Variants in PCDHGA3 observed in about 807,000 individuals in gnomAD.
PCDHGA3 encodes the protein protocadherin gamma-A3.
PCDHGA3 carries 40 observed loss-of-function variants against 58.5 expected under a neutral mutation model. The ratio of observed to expected loss-of-function variants is 0.68; its 90% CI spans 0.53 to 0.89. PCDHGA3 has a LOEUF of 0.89. Ranked by LOEUF, PCDHGA3 falls within the 40% of genes least tolerant of loss-of-function variation. PCDHGA3 has a pLI of 0.00. For synonymous variants in PCDHGA3, 530 were observed against 525.7 expected, an observed-to-expected ratio of 1.01 and a Z score of -0.11; for missense variants, 1,223 against 1,195.9, an observed-to-expected ratio of 1.02 and a Z score of -0.33.
intron 1 of PCDHGA3, chr5:141,361,375 G>A (rs267600451): frequency 1.4e-5 from 23 of 1,613,956 alleles, no homozygotes; most frequent in South Asian, 1.3e-4. Context: ...GGACCGGGAG[G>A]AGATCCCAGA....
In PCDHGA3 at chr5:141,428,115, G is replaced by T. The variant is rs753384738; in HGVS notation, c.2425-66692G>T. 5 of 1,607,062 alleles carry T rather than the reference G, an allele frequency of 3.1e-6. No homozygotes were observed. In the South Asian group the frequency reaches 5.5e-5, roughly 18 times the overall value. On this transcript the variant is annotated intron_variant, in intron 1 of 3. Coordinates refer to ENST00000253812, the MANE Select transcript of PCDHGA3 (RefSeq NM_018916.4). ...GTCCTACCACGTGCTGCAGGCCATC[G>T]AGCCCGGGCTTTTCAGCCTGGGGCT...
At chr5:141,354,049 T>A (rs1339397353) in intron 1 of PCDHGA3, among the ~76,000 whole-genome samples, 1 of 152,250 alleles carries the variant, frequency 6.6e-6, no homozygotes, top group Non-Finnish European at 1.5e-5. Flanking sequence ...GCACATGCAA[T>A]GATAATCCAT....
At position 141,487,543 on chromosome 5, in the gene PCDHGA3, A is replaced by G. The variant is rs2099649285; in HGVS notation, c.2425-7264A>G. On this transcript the variant is annotated intron_variant, in intron 1 of 3. Coordinates refer to ENST00000253812, the MANE Select transcript of PCDHGA3 (RefSeq NM_018916.4). This position sits in a 1 kb window ranked among gnomAD's most constrained non-coding sequence, Gnocchi z 5.0. ...GTGATAGCTTCATGATGGTGAAGTC[A>G]CCCAGTGCACCTATGGCAGGGGAGC... is the stretch of plus-strand genomic sequence containing the variant. The G allele has an allele frequency of 3.7e-6, 6 of 1,614,114 alleles. No homozygotes were observed. In the South Asian group the frequency reaches 5.5e-5, roughly 15 times the overall value.
At chr5:141,370,322 C>T (rs1311185888) in intron 1 of PCDHGA3, 8 of 1,366,842 alleles carry the variant, frequency 5.9e-6, no homozygotes, top group Non-Finnish European at 7.0e-6. Context: ...GTTGGTCCTG[C>T]TCGGAGAACT....
chr5:141,451,976 A>T (rs2098729884), intron 1 of PCDHGA3, among the ~76,000 whole-genome samples: 1 of 152,164 alleles, frequency 6.6e-6, no homozygotes, highest in Non-Finnish European at 1.5e-5. Flanking sequence ...TTTTTGCTGT[A>T]GTTTGTTCAT....
At chr5:141,351,773 C>T in intron 1 of PCDHGA3, 2 of 1,613,454 alleles carry the variant, frequency 1.2e-6, no homozygotes, top group Non-Finnish European at 1.7e-6. Flanking sequence ...GTCCGTGAGC[C>T]CGCAGAGCGG....
At chr5:141,422,690 T>G (rs1384522137) in intron 1 of PCDHGA3, 1 of 1,603,908 alleles carries the variant, frequency 6.2e-7, no homozygotes, top group Admixed American at 1.7e-5. Context: ...AATGCCCTGG[T>G]CACTTACTCT....
chr5:141,385,284 A>C (rs1419920858), intron 1 of PCDHGA3: 5 of 1,613,356 alleles, frequency 3.1e-6, no homozygotes, highest in Non-Finnish European at 3.4e-6. Flanking sequence ...TAACATCCGT[A>C]GATTTTCAGG....
At chr5:141,392,991 G>A in intron 1 of PCDHGA3, 1 of 1,613,904 alleles carries the variant, frequency 6.2e-7, no homozygotes, top group Middle Eastern at 1.7e-4. Flanking sequence ...CCGGAAGCTG[G>A]CGAAGCACGG....
chr5:141,356,869 G>A (rs1241364219), intron 1 of PCDHGA3: 9 of 1,614,064 alleles, frequency 5.6e-6, no homozygotes, highest in Admixed American at 3.3e-5. Flanking sequence ...GGACCAGAAC[G>A]ACAATGTCCC....
chr5:141,426,879 G>T, intron 1 of PCDHGA3: 1 of 456,710 alleles, frequency 2.2e-6, no homozygotes. Flanking sequence ...GAAGCCCCTG[G>T]GCCAGGAGCA....
chr5:141,433,115 G>T, intron 1 of PCDHGA3: 1 of 1,613,762 alleles, frequency 6.2e-7, no homozygotes, highest in Non-Finnish European at 8.5e-7. Context: ...GGAGAGCTTT[G>T]AAAAAAGCGA....
chr5:141,367,803 T>C (rs760615921), intron 1 of PCDHGA3: 4 of 152,152 alleles, frequency 2.6e-5, no homozygotes, highest in African/African-American at 7.2e-5. Flanking sequence ...TCTTCTGTTA[T>C]AGATAAACCC....
Position 141,501,335 on chromosome 5 carries a change from C to A in PCDHGA3, c.2484-4058C>A, listed in dbSNP as rs977626682. 1.5e-4 allele frequency among the ~76,000 whole-genome samples: 20 copies of A among 135,718 alleles called. No individual in the cohort carries two copies. In the East Asian group the frequency reaches 2.2e-3, roughly 15 times the overall value. The allele number at this position is 135,718 out of a possible 152,430, so 89.0% of individuals were successfully genotyped here. The stretch of plus-strand genomic sequence containing the variant: ...CACACACACACACACACACACACAC[C>A]CCAAACTCAATAGGGCAAGAACCAT... On this transcript the variant is annotated intron_variant, in intron 2 of 3. Transcript: ENST00000253812.
chr5:141,349,199 A>G lies in PCDHGA3; in HGVS notation c.2424+2742A>G, dbSNP rs1402417617. On this transcript the variant is annotated intron_variant, in intron 1 of 3. Transcript: ENST00000253812. ...ATTCTGCTGCCTCAACCTCCCGAGTAGCTGGCGTTACAGGTACCCGCCACC... is the reference window on the plus strand; with the variant it reads ...ATTCTGCTGCCTCAACCTCCCGAGTGGCTGGCGTTACAGGTACCCGCCACC... 2.0e-5 allele frequency among the ~76,000 whole-genome samples: 3 copies of G among 151,900 alleles called. No homozygotes were observed. The East Asian group carries it at 5.8e-4, about 29-fold the overall frequency.
At position 141,404,694 on chromosome 5, in the gene PCDHGA3, C is replaced by T. The variant is rs749803871; in HGVS notation, c.2424+58237C>T. 10 of 1,614,116 alleles carry T rather than the reference C, an allele frequency of 6.2e-6. No homozygotes were observed. The East Asian group carries it at 2.0e-4, about 32-fold the overall frequency. ...ACTGGTGTGGAGCTGGCACCCCGCT[C>T]TGCAGAGCCTGGCTACCTGGTGACC... On this transcript the variant is annotated intron_variant, in intron 1 of 3. Coordinates refer to ENST00000253812, the MANE Select transcript of PCDHGA3 (RefSeq NM_018916.4).
At chr5:141,461,190 T>C (rs2099010725) in intron 1 of PCDHGA3, among the ~76,000 whole-genome samples, 1 of 152,142 alleles carries the variant, frequency 6.6e-6, no homozygotes, top group Non-Finnish European at 1.5e-5. Context: ...TAGATCTGTT[T>C]TTTGCTCTTT....
In PCDHGA3 at chr5:141,486,194, C is replaced by A. The variant is rs1248456800; in HGVS notation, c.2425-8613C>A. The A allele has an allele frequency of 6.2e-7, 1 of 1,614,196 alleles. No individual in the cohort carries two copies. Among genetic ancestry groups the A allele is most frequent in the Non-Finnish European group, 8.5e-7 (1 of 1,180,026 alleles). ...ACATTGCAGCCTTCGAGTGGATCTG[C>A]TGGACGTAAATGACAATGCCCCTTA... On this transcript the variant is annotated intron_variant, in intron 1 of 3. Transcript: ENST00000253812. The surrounding 1 kb of genome is among the most constrained non-coding windows in gnomAD (Gnocchi z 5.0).
chr5:141,409,270 T>A (rs761773360), intron 1 of PCDHGA3: 6 of 1,613,996 alleles, frequency 3.7e-6, no homozygotes, highest in Non-Finnish European at 4.2e-6. Flanking sequence ...CTGATCAGAT[T>A]TTGGAGAATT....
Sources: gnomAD v4.1 joint callset for allele counts (sites outside exome capture counted in the v4.1 genomes callset) on GRCh38, gnomAD v4.1.1 for gene constraint, Gnocchi (gnomAD v3.1) non-coding constraint, MANE v1.5 for transcripts, NCBI Gene and HGNC (gene_info 2026-07-23, HGNC 2026-07-21) for gene names.